The following MAMDC2 variants were observed in gnomAD, a reference collection of about 807,000 sequenced individuals.
MAMDC2 encodes MAM domain containing 2.
In MAMDC2, 57 loss-of-function variants were observed where a neutral mutation model predicts 89.8. That is an observed-to-expected ratio of 0.63 (90% CI 0.51 to 0.79). The LOEUF (loss-of-function observed/expected upper bound fraction) is 0.79. MAMDC2 is among the 30% of genes least tolerant of loss of function. The pLI is 0.00. For missense variants in MAMDC2, 800 were observed against 820.6 expected, an observed-to-expected ratio of 0.97 and a Z score of 0.31; for synonymous variants, 313 against 293.4, an observed-to-expected ratio of 1.07 and a Z score of -0.68.
intron 4 of MAMDC2, among the ~76,000 whole-genome samples, chr9:70,110,548 G>A (rs1384592140): frequency 6.6e-6 from 1 of 152,214 alleles, no homozygotes; most frequent in East Asian, 1.9e-4. Context: ...TGGGGAGAAA[G>A]AAACAGGGCA....
chr9:70,063,721 A>G (rs1050264275), intron 2 of MAMDC2, among the ~76,000 whole-genome samples: 4 of 152,210 alleles, frequency 2.6e-5, no homozygotes, highest in African/African-American at 9.6e-5. Flanking sequence ...TGTGCCATAC[A>G]CTTGCTAGGC....
intron 3 of MAMDC2, 30 bp downstream of exon 3, chr9:70,108,512 G>A: frequency 6.5e-7 from 1 of 1,533,798 alleles, no homozygotes; most frequent in Non-Finnish European, 8.7e-7. Context: ...AAGATATAAG[G>A]CCTATTATCT....
At chr9:70,150,023 T>C (rs1049696876) in intron 9 of MAMDC2, among the ~76,000 whole-genome samples, 16 of 152,250 alleles carry the variant, frequency 1.1e-4, no homozygotes, top group African/African-American at 3.9e-4. Context: ...ATGAATGGTC[T>C]TCCTGCCCCT....
At position 70,205,305 on chromosome 9, in the gene MAMDC2, C is replaced by T. The variant is rs549969309; in HGVS notation, c.1652-13032C>T. 3.3e-5 allele frequency among the ~76,000 whole-genome samples: 5 copies of T among 152,238 alleles called. No homozygotes were observed. In the East Asian group the frequency reaches 5.8e-4, roughly 18 times the overall value. On this transcript the variant is annotated intron_variant, in intron 11 of 13. Coordinates refer to ENST00000377182, the MANE Select transcript of MAMDC2 (RefSeq NM_153267.5). ...TTTTCATTTCCCAAAACTGAAACTC[C>T]GTACCCATTAAACAATAACTCCTCA...
At chr9:70,216,116 G>C (rs80150601) in intron 11 of MAMDC2, among the ~76,000 whole-genome samples, 255 of 152,122 alleles carry the variant, frequency 1.7e-3, no homozygotes, top group African/African-American at 5.8e-3. Flanking sequence ...TTTTCCCCTT[G>C]ATTTGGTCAC....
chr9:70,102,524 G>A (rs1433855720), intron 2 of MAMDC2, among the ~76,000 whole-genome samples: 1 of 152,154 alleles, frequency 6.6e-6, no homozygotes, highest in African/African-American at 2.4e-5. Context: ...TCCAGCGATT[G>A]AACATGACTT....
rs144771382 is a variant in MAMDC2 at position 70,176,715 on chromosome 9, T to G, written c.1651+6084T>G. 3.9e-3 allele frequency among the ~76,000 whole-genome samples: 599 copies of G among 152,340 alleles called. 3 individuals are homozygous for G. Among genetic ancestry groups the G allele is most frequent in the African/African-American group, 0.013 (554 of 41,588 alleles). ...CCACTTATATCTTTTTATTCCCATG[T>G]ACAACAATGTAAATAAGAAAAACAA... On this transcript the variant is annotated intron_variant, in intron 11 of 13. Coordinates refer to ENST00000377182, the MANE Select transcript of MAMDC2 (RefSeq NM_153267.5).
intron 2 of MAMDC2, chr9:70,062,617 T>C (rs944649316): frequency 3.9e-5 from 6 of 152,178 alleles, no homozygotes; most frequent in Admixed American, 1.3e-4. Flanking sequence ...GGACTTGCAC[T>C]TCTGCAAGTT....
chr9:70,139,696 A>G (rs59619263), intron 7 of MAMDC2, among the ~76,000 whole-genome samples: 10,426 of 152,196 alleles, frequency 0.069, 565 homozygotes, highest in East Asian at 0.22. Context: ...GAATCGCCAC[A>G]CTGACTTCCA....
intron 11 of MAMDC2, among the ~76,000 whole-genome samples, chr9:70,202,446 C>T (rs9695275): frequency 0.78 from 118,267 of 150,948 alleles, 46,467 homozygotes; most frequent in Admixed American, 0.83. Flanking sequence ...TGTTCTTTTA[C>T]ATTTGCTGAG....
At chr9:70,179,329 G>A (rs1482511720) in intron 11 of MAMDC2, among the ~76,000 whole-genome samples, 1 of 143,982 alleles carries the variant, frequency 6.9e-6, no homozygotes, top group Non-Finnish European at 1.5e-5. Flanking sequence ...TGGCTAACAC[G>A]GTGAAACCTC....
chr9:70,068,911 T>C (rs1483029348), intron 2 of MAMDC2, among the ~76,000 whole-genome samples: 3 of 152,216 alleles, frequency 2.0e-5, no homozygotes, highest in South Asian at 2.1e-4. Flanking sequence ...AATGCTGTAA[T>C]GAATGGGTAT....
intron 11 of MAMDC2, among the ~76,000 whole-genome samples, chr9:70,198,072 ATTG>A (rs199977187): frequency 5.3e-4 from 78 of 146,584 alleles, no homozygotes; most frequent in Non-Finnish European, 8.3e-4. Flanking sequence ...TTTTTTTATT[ATTG>A]TTGTTTATCT....
chr9:70,110,534 C>T (rs962843142), intron 4 of MAMDC2, among the ~76,000 whole-genome samples: 1 of 152,084 alleles, frequency 6.6e-6, no homozygotes, highest in African/African-American at 2.4e-5. Flanking sequence ...TGGCCAGACC[C>T]CTGTGGGGAG....
intron 9 of MAMDC2, among the ~76,000 whole-genome samples, chr9:70,167,516 TTGTC>T (rs1171404931): frequency 1.3e-5 from 2 of 152,200 alleles, no homozygotes; most frequent in African/African-American, 2.4e-5. Context: ...ATATCATCCT[TTGTC>T]TGTTTGAATT....
At chr9:70,159,400 A>C (rs571522262) in intron 9 of MAMDC2, among the ~76,000 whole-genome samples, 2 of 152,254 alleles carry the variant, frequency 1.3e-5, no homozygotes, top group Admixed American at 1.3e-4. Context: ...AAAAGGGGTA[A>C]GAGTTATGTA....
chr9:70,144,790 A>G (rs758599210), intron 9 of MAMDC2, among the ~76,000 whole-genome samples: 2 of 152,220 alleles, frequency 1.3e-5, no homozygotes, highest in Non-Finnish European at 2.9e-5. Context: ...TAGAACCTGC[A>G]CAGACATTCA....
chr9:70,221,380 T>TATATATAGAGAGAGAGAGAGAGAGAG, intron 12 of MAMDC2, among the ~76,000 whole-genome samples: 1 of 7,042 alleles, frequency 1.4e-4, no homozygotes, highest in African/African-American at 4.4e-4. Flanking sequence ...TATATATATA[T>TATATATAGAGAGAGAGAGAGAGAGAG]AGAGAGAGAG....
chr9:70,096,149 T>G (rs1828022026), intron 2 of MAMDC2, among the ~76,000 whole-genome samples: 1 of 152,056 alleles, frequency 6.6e-6, no homozygotes, highest in Non-Finnish European at 1.5e-5. Flanking sequence ...CTCAGTCTGC[T>G]GAGTAGCTGG....
Sources: gnomAD v4.1 joint callset for allele counts (sites outside exome capture counted in the v4.1 genomes callset) on GRCh38, gnomAD v4.1.1 for gene constraint, MANE v1.5 for transcripts, NCBI Gene and HGNC (gene_info 2026-07-23, HGNC 2026-07-21) for gene names.